Variants in RGS7 observed in about 807,000 individuals in gnomAD.
RGS7 encodes the protein regulator of G protein signaling 7.
Under a neutral mutation model 81.1 loss-of-function variants are expected in RGS7, and 27 were observed. The observed-to-expected ratio is 0.33, with a 90% confidence interval of 0.25 to 0.46. RGS7 has a LOEUF of 0.46. Among genes scored for constraint, RGS7 ranks in the 20% least tolerant of loss-of-function variants. The probability of loss-of-function intolerance (pLI) is 1.00; values close to 1 mark genes in which losing one functional copy is unlikely to be tolerated. For missense variants in RGS7, 396 were observed against 607.4 expected (o/e 0.65, Z 3.66); for synonymous variants, 208 against 207.7 (o/e 1.00, Z -0.01).
chr1:240,995,278 G>T (rs539767547), intron 3 of RGS7, among the ~76,000 whole-genome samples: 1 of 152,184 alleles, frequency 6.6e-6, no homozygotes, highest in Admixed American at 6.5e-5. Flanking sequence ...CTTAATGAAG[G>T]ATACTGGTTT....
In RGS7 at chr1:240,948,318, T is replaced by C. The variant is rs562349925; in HGVS notation, c.227-11612A>G. On this transcript the variant is annotated intron_variant, in intron 4 of 18. Coordinates refer to ENST00000440928, the MANE Select transcript of RGS7 (RefSeq NM_001364886.1). ...TGACAGTGACTTAATTTCTGAGATA[T>C]TGCAACCAACTAAAAAATATGAGAG... is the stretch of plus-strand genomic sequence containing the variant. 3.3e-5 allele frequency among the ~76,000 whole-genome samples: 5 copies of C among 152,332 alleles called. No individual in the cohort carries two copies. In the East Asian group the frequency reaches 7.7e-4, roughly 23 times the overall value.
chr1:240,863,825 G>C (rs993436476), intron 9 of RGS7, among the ~76,000 whole-genome samples: 1 of 152,074 alleles, frequency 6.6e-6, no homozygotes, highest in Non-Finnish European at 1.5e-5. Flanking sequence ...AAAAGCAAAA[G>C]GACATATGAA....
At chr1:241,042,642 T>TGGCTG (rs2060684750) in intron 3 of RGS7, among the ~76,000 whole-genome samples, 1 of 144,490 alleles carries the variant, frequency 6.9e-6, no homozygotes, top group Admixed American at 6.9e-5. Context: ...TTATGTCCCT[T>TGGCTG]GGCCGGGCCG....
At chr1:241,167,374 C>T (rs2070344726) in intron 2 of RGS7, among the ~76,000 whole-genome samples, 1 of 152,160 alleles carries the variant, frequency 6.6e-6, no homozygotes, top group Non-Finnish European at 1.5e-5. Context: ...GCATACGCCA[C>T]CTGGGATAAA....
intron 11 of RGS7, among the ~76,000 whole-genome samples, chr1:240,815,761 G>C (rs538041284): frequency 1.7e-4 from 26 of 152,238 alleles, no homozygotes; most frequent in African/African-American, 6.0e-4. Context: ...AGTTTGCTTT[G>C]AAATATTACT....
rs147314147 is a variant in RGS7, at chr1:241,018,885, G to T, written c.176-35756C>A. On this transcript the variant is annotated intron_variant, in intron 3 of 18. Coordinates refer to ENST00000440928, the MANE Select transcript of RGS7 (RefSeq NM_001364886.1). The stretch of plus-strand genomic sequence containing the variant: ...CTTTAGGTGAGATATGCTCAAGTGG[G>T]GCAGAATTCCACTTCACAAGCTGGG... Among the ~76,000 whole-genome samples, 1,193 of 152,156 alleles carry T rather than the reference G, an allele frequency of 7.8e-3. 17 individuals are homozygous for T. The highest frequency in any genetic ancestry group is 0.027 in the African/African-American group (1,129 of 41,484).
At chr1:240,876,007 G>A (rs1665348645) in intron 6 of RGS7, among the ~76,000 whole-genome samples, 1 of 152,132 alleles carries the variant, frequency 6.6e-6, no homozygotes, top group African/African-American at 2.4e-5. Flanking sequence ...GATGCTGTTT[G>A]CCCCTCCAGT....
intron 4 of RGS7, 35 bp downstream of exon 4, chr1:240,983,044 A>G (rs1685159581): frequency 6.8e-6 from 9 of 1,315,188 alleles, no homozygotes; most frequent in African/African-American, 1.4e-5. Context: ...ACCACTAAGA[A>G]AAAAGTTCTT....
chr1:240,940,806 CAG>C (rs71750179), intron 4 of RGS7, among the ~76,000 whole-genome samples: 59,110 of 151,780 alleles, frequency 0.39, 12,045 homozygotes, highest in Middle Eastern at 0.47. Flanking sequence ...AAAAGAAAAA[CAG>C]AAGTGAGTGA....
intron 6 of RGS7, among the ~76,000 whole-genome samples, chr1:240,872,982 G>A (rs1313359244): frequency 1.3e-5 from 2 of 152,110 alleles, no homozygotes; most frequent in African/African-American, 4.8e-5. Flanking sequence ...GGGAAGCTGA[G>A]TCAGGAGAAT....
intron 2 of RGS7, among the ~76,000 whole-genome samples, chr1:241,204,172 C>G (rs180859382): frequency 1.4e-4 from 21 of 152,040 alleles, no homozygotes; most frequent in African/African-American, 5.1e-4. Flanking sequence ...GGGATGGAAC[C>G]ATTTATGGTG....
At chr1:240,834,418 G>T (rs925762426) in intron 9 of RGS7, among the ~76,000 whole-genome samples, 16 of 152,224 alleles carry the variant, frequency 1.1e-4, no homozygotes, top group African/African-American at 3.9e-4. Context: ...TCAGCCTGAA[G>T]CTGTGGAAAG....
rs1197309050 is a variant in RGS7 at position 241,156,175 on chromosome 1, T to TAG, written c.79-57414_79-57413insCT. Among the ~76,000 whole-genome samples the TAG allele has an allele frequency of 4.3e-3, 644 of 150,736 alleles. 3 individuals carry two copies. Among genetic ancestry groups the TAG allele is most frequent in the African/African-American group, 0.015 (616 of 40,610 alleles). ...ATAGATAGATAGATAGATAGATACA[T>TAG]ATACATAGACAGACAGACAGAAAGA... On this transcript the variant is annotated intron_variant, in intron 2 of 18. Coordinates refer to ENST00000440928, the MANE Select transcript of RGS7 (RefSeq NM_001364886.1).
chr1:240,785,088 G>C (rs1316351538), intron 18 of RGS7, among the ~76,000 whole-genome samples: 1 of 152,194 alleles, frequency 6.6e-6, no homozygotes, highest in Non-Finnish European at 1.5e-5. Flanking sequence ...TCTTAGCAGA[G>C]TCTAAACTAA....
chr1:241,180,267 C>G (rs999626247), intron 2 of RGS7, among the ~76,000 whole-genome samples: 1 of 151,952 alleles, frequency 6.6e-6, no homozygotes. Flanking sequence ...CTCAGCTACT[C>G]GGGAGGCTGA....
chr1:241,044,930 C>T (rs999152578), intron 3 of RGS7, among the ~76,000 whole-genome samples: 15 of 151,962 alleles, frequency 9.9e-5, no homozygotes, highest in Non-Finnish European at 1.9e-4. Flanking sequence ...CTCTTTTTTC[C>T]CTAAACTCTG....
chr1:241,024,048 C>T (rs184330046), intron 3 of RGS7, among the ~76,000 whole-genome samples: 74 of 152,300 alleles, frequency 4.9e-4, no homozygotes, highest in African/African-American at 1.5e-3. Context: ...CCAACACATC[C>T]GGCTGACAAT....
At position 241,289,826 on chromosome 1, in the gene RGS7, A is replaced by T. The variant is rs528461658; in HGVS notation, c.78+65873T>A. Among the ~76,000 whole-genome samples the T allele has an allele frequency of 8.1e-4, 123 of 152,230 alleles. 1 individual carries two copies. The highest frequency in any genetic ancestry group is 2.9e-3 in the African/African-American group (122 of 41,552). ...GTACGAGGGAAGATGGAGGGAGAGC[A>T]TGACTGCCTGCTGCTACCTGAGTGA... is the stretch of plus-strand genomic sequence containing the variant. On this transcript the variant is annotated intron_variant, in intron 2 of 18. Transcript: ENST00000440928.
chr1:241,332,580 G>T (rs968432798), intron 2 of RGS7, among the ~76,000 whole-genome samples: 23 of 152,074 alleles, frequency 1.5e-4, no homozygotes, highest in African/African-American at 5.3e-4. Context: ...CAACTTCCGC[G>T]GCCCCTTCAC....
Sources: gnomAD v4.1 joint callset for allele counts (sites outside exome capture counted in the v4.1 genomes callset) on GRCh38, gnomAD v4.1.1 for gene constraint, MANE v1.5 for transcripts, NCBI Gene and HGNC (gene_info 2026-07-23, HGNC 2026-07-21) for gene names.